Variants in MIEF1 observed in about 807,000 individuals in gnomAD.
MIEF1 encodes mitochondrial elongation factor 1, also known as mitochondrial dynamics protein MIEF1.
MIEF1 carries 14 observed loss-of-function variants against 35.1 expected under a neutral mutation model. The ratio of observed to expected loss-of-function variants is 0.40; its 90% CI spans 0.26 to 0.62. The LOEUF (loss-of-function observed/expected upper bound fraction) is 0.62. Ranked by LOEUF, MIEF1 falls within the 20% of genes least tolerant of loss-of-function variation. The pLI is 0.43. For missense variants in MIEF1, 542 were observed against 615.4 expected (o/e 0.88, Z 1.26); for synonymous variants, 245 against 254.3 (o/e 0.96, Z 0.35).
chr22:39,511,910 G>T lies in MIEF1; in HGVS notation c.206G>T (p.Arg69Met). The T allele has an allele frequency of 6.2e-7, 1 of 1,614,212 alleles. No homozygotes were observed. The highest frequency in any genetic ancestry group is 8.5e-7 in the Non-Finnish European group (1 of 1,180,032). The stretch of plus-strand genomic sequence containing the variant: ...ACCCGCCTGAGCCATTCGGGGAAAA[G>T]GAGCTGGGAAGAACCCAACTGGATG... ...SPTRLSHSGK[R>M]SWEEPNWMGS... is the part of the protein sequence containing the mutation. Residue 69 changes from arginine to methionine, a missense_variant, in exon 4 of 6, where the codon AGG becomes ATG. Physicochemically the swap from Arg to Met is moderately conservative, Grantham distance 91 (BLOSUM62 -1). Transcript: ENST00000325301.
At chr22:39,503,169 C>G (rs2145739532) in intron 1 of MIEF1, 1 of 152,306 alleles carries the variant, frequency 6.6e-6, no homozygotes, top group South Asian at 2.1e-4. Flanking sequence ...CAAAGGGTAA[C>G]TCATTCCAGA....
chr22:39,511,985 C>T lies in MIEF1; in HGVS notation c.281C>T (p.Ser94Phe). ...GACATGAAGACGGGCCTGAGCCGGT[C>T]CTTGCAGACCCTTCCCACAGACTCC... ...NRDMKTGLSR[S>F]LQTLPTDSST... Residue 94 changes from serine to phenylalanine, a missense_variant, in exon 4 of 6, where the codon TCC becomes TTC. Ser to Phe is a radical substitution (Grantham distance 155, BLOSUM62 -2). Transcript: ENST00000325301. The T allele has an allele frequency of 6.2e-7, 1 of 1,613,994 alleles. No homozygotes were observed. Among genetic ancestry groups the T allele is most frequent in the Non-Finnish European group, 8.5e-7 (1 of 1,179,996 alleles).
rs1930549434 is a variant in MIEF1 at position 39,514,417 on chromosome 22, G to C, written c.*94G>C. 2 of 1,243,452 alleles carry C rather than the reference G, an allele frequency of 1.6e-6. No homozygotes were observed. Among genetic ancestry groups the C allele is most frequent in the Admixed American group, 3.8e-5 (2 of 53,044 alleles). 77.0% of individuals were successfully genotyped at this position (1,243,452 alleles called of 1,614,324 possible). On this transcript the variant is annotated 3_prime_UTR_variant, in exon 6 of 6. Coordinates refer to ENST00000325301, the MANE Select transcript of MIEF1 (RefSeq NM_019008.6). Reference sequence around the variant, plus strand: ...CTAGTTGGTGCCTCACAGGGTTCCTGCTGCCTGGTGTCTTGCTGATCATCA... The same window carrying C: ...CTAGTTGGTGCCTCACAGGGTTCCTCCTGCCTGGTGTCTTGCTGATCATCA...
At chr22:39,510,846 C>G (rs1723269711) in intron 2 of MIEF1, among the ~76,000 whole-genome samples, 1 of 149,608 alleles carries the variant, frequency 6.7e-6, no homozygotes, top group Non-Finnish European at 1.5e-5. Flanking sequence ...GGGGTAGAGA[C>G]CTGCTTTATA....
Position 39,511,701 on chromosome 22 carries a change from C to G in MIEF1, c.145-148C>G, listed in dbSNP as rs985596102. 2.6e-5 allele frequency: 31 copies of G among 1,184,234 alleles called. No homozygotes were observed. In the African/African-American group the frequency reaches 4.0e-4, roughly 15 times the overall value. The allele number at this position is 1,184,234 out of a possible 1,614,324, so 73.4% of individuals were successfully genotyped here. A position where few individuals can be genotyped will look rare whatever the true frequency, so the allele number is the denominator to read the frequency against. The stretch of plus-strand genomic sequence containing the variant: ...ATCATGTAGTCTTCCCTGAGATTTT[C>G]TGCGTGGAGCAAAGTATTCTATAAT... On this transcript the variant is annotated intron_variant, in intron 3 of 5. Transcript: ENST00000325301.
chr22:39,508,801 A>C (rs1365810117), intron 2 of MIEF1, among the ~76,000 whole-genome samples: 1 of 152,214 alleles, frequency 6.6e-6, no homozygotes, highest in African/African-American at 2.4e-5. Flanking sequence ...TGTGAACTCT[A>C]GTTAGGGAAA....
At position 39,512,382 on chromosome 22, in the gene MIEF1, A is replaced by G. The variant is rs757176310; in HGVS notation, c.473A>G (p.Lys158Arg). 4 of 1,614,112 alleles carry G rather than the reference A, an allele frequency of 2.5e-6. No individual in the cohort carries two copies. The South Asian group carries it at 3.3e-5, about 13-fold the overall frequency. Reference protein sequence around the residue: ...AIPAGEQARAKQAAVDICAEL... With the variant: ...AIPAGEQARARQAAVDICAEL... ...CCTGCTGGAGAGCAGGCTCGGGCCA[A>G]GCAAGCTGCTGTGGACATATGTGCC... Residue 158 changes from lysine (K) to arginine (R), a missense_variant, in exon 5 of 6, where the codon AAG (lysine) becomes AGG (arginine). Physicochemically the swap from Lys to Arg is conservative, Grantham distance 26. Transcript: ENST00000325301.
chr22:39,504,655 C>T (rs779067907), intron 2 of MIEF1, 121 bp downstream of exon 2: 66 of 345,670 alleles, frequency 1.9e-4, no homozygotes, highest in Non-Finnish European at 3.0e-4. Flanking sequence ...CTGGTGTGCA[C>T]CTATAGTCCC....
chr22:39,514,853 T>G lies in MIEF1; in HGVS notation c.*530T>G. The G allele has an allele frequency of 4.0e-6, 1 of 252,898 alleles. No homozygotes were observed. The highest frequency in any genetic ancestry group is 7.7e-6 in the Non-Finnish European group (1 of 130,340). The allele number at this position is 252,898 out of a possible 1,614,324, so 15.7% of individuals were successfully genotyped here. A position where few individuals can be genotyped will look rare whatever the true frequency, so the allele number is the denominator to read the frequency against. On this transcript the variant is annotated 3_prime_UTR_variant, in exon 6 of 6. Transcript: ENST00000325301. ...TACAGAGCGAGTGCTGAGACAGTAT[T>G]TAGGGTTTCTGGGAGTGAGGCTGGT...
At position 39,513,554 on chromosome 22, in the gene MIEF1, T is replaced by C; in HGVS notation, c.623T>C (p.Leu208Pro). The C allele has an allele frequency of 1.2e-6, 2 of 1,614,180 alleles. No individual in the cohort carries two copies. Among genetic ancestry groups the C allele is most frequent in the Non-Finnish European group, 1.7e-6 (2 of 1,180,028 alleles). Residue 208 changes from leucine to proline, a missense_variant, in exon 6 of 6, where the codon CTT (leucine) becomes CCT (proline). Transcript: ENST00000325301. ...GACCACATCCAACTCATTGTGCCCC[T>C]TGTGCTGGAGCAGAACCTGTGGTCA... ...TADHIQLIVP[L>P]VLEQNLWSCI... is the part of the protein sequence containing the mutation.
chr22:39,517,545 GC>G lies in MIEF1; in HGVS notation c.*3226del, dbSNP rs1930739583. ...TTCAGGATGGAAGGACCCAGGAGAG[GC>G]CCCGAGGTGGGAGGGTTCTGTAAAT... is the stretch of plus-strand genomic sequence containing the variant. On this transcript the variant is annotated 3_prime_UTR_variant, in exon 6 of 6. Transcript: ENST00000325301. 2 of 471,154 alleles carry G rather than the reference GC, an allele frequency of 4.2e-6. No homozygotes were observed. 29.2% of individuals were successfully genotyped at this position (471,154 alleles called of 1,614,324 possible). A position where few individuals can be genotyped will look rare whatever the true frequency, so the allele number is the denominator to read the frequency against.
At position 39,513,950 on chromosome 22, in the gene MIEF1, G is replaced by T; in HGVS notation, c.1019G>T (p.Ser340Ile). Residue 340 changes from serine to isoleucine, a missense_variant, in exon 6 of 6, where the codon AGC (serine) becomes ATC (isoleucine). Coordinates refer to ENST00000325301, the MANE Select transcript of MIEF1 (RefSeq NM_019008.6). ...CAGTATGACAACCTGTGGCGGCTGA[G>T]CCTGCGTCCCGCGGAGACGGCACGC... is the stretch of plus-strand genomic sequence containing the variant. ...LAQYDNLWRLSLRPAETARLR... is the reference protein window; with the variant it reads ...LAQYDNLWRLILRPAETARLR... The T allele has an allele frequency of 6.2e-7, 1 of 1,613,362 alleles. No individual in the cohort carries two copies. The highest frequency in any genetic ancestry group is 8.5e-7 in the Non-Finnish European group (1 of 1,180,018).
chr22:39,511,264 G>A (rs1339004644), intron 2 of MIEF1, 24 bp from the exon 3 acceptor site: 6 of 1,613,228 alleles, frequency 3.7e-6, no homozygotes, highest in Non-Finnish European at 3.4e-6. Context: ...AGTACTTATG[G>A]CCGTGTTCTG....
At chr22:39,507,134 C>T (rs751836079) in intron 2 of MIEF1, among the ~76,000 whole-genome samples, 3 of 152,138 alleles carry the variant, frequency 2.0e-5, no homozygotes, top group Admixed American at 2.0e-4. Context: ...AAGTAAGGTC[C>T]GTGTCTGTCT....
At chr22:39,505,194 CAA>C (rs150106942) in intron 2 of MIEF1, among the ~76,000 whole-genome samples, 1 of 145,624 alleles carries the variant, frequency 6.9e-6, no homozygotes, top group Non-Finnish European at 1.5e-5. Context: ...ACTCCGTCTC[CAA>C]AAAAAAAAGA....
At position 39,515,472 on chromosome 22, in the gene MIEF1, C is replaced by T; in HGVS notation, c.*1149C>T. On this transcript the variant is annotated 3_prime_UTR_variant, in exon 6 of 6. Coordinates refer to ENST00000325301, the MANE Select transcript of MIEF1 (RefSeq NM_019008.6). ...AGGGGTGTTTGCTGAGCGCTCCGGGCACGGCCAGAGGGCAAGTGAGCATGC... is the reference window on the plus strand; with the variant it reads ...AGGGGTGTTTGCTGAGCGCTCCGGGTACGGCCAGAGGGCAAGTGAGCATGC... 2 of 649,330 alleles carry T rather than the reference C, an allele frequency of 3.1e-6. No homozygotes were observed. The highest frequency in any genetic ancestry group is 2.4e-5 in the Admixed American group (1 of 41,102). 40.2% of individuals were successfully genotyped at this position (649,330 alleles called of 1,614,324 possible). A position where few individuals can be genotyped will look rare whatever the true frequency, so the allele number is the denominator to read the frequency against.
Position 39,513,823 on chromosome 22 carries a change from C to T in MIEF1, c.892C>T (p.Leu298=). The change falls in exon 6 of 6, where the codon CTG becomes TTG. Residue 298 remains leucine, a synonymous_variant. Coordinates refer to ENST00000325301, the MANE Select transcript of MIEF1 (RefSeq NM_019008.6). ...RPAPPPEALT[L]EVQYERDKHL... is the part of the protein sequence containing the mutation. The stretch of plus-strand genomic sequence containing the variant: ...GGCCCCACCCCCAGAAGCCCTCACA[C>T]TGGAGGTGCAGTATGAGCGTGACAA... 1 of 1,614,144 alleles carries T rather than the reference C, an allele frequency of 6.2e-7. No homozygotes were observed. The highest frequency in any genetic ancestry group is 1.1e-5 in the South Asian group (1 of 91,086).
intron 2 of MIEF1, chr22:39,509,468 G>C (rs1176546786): frequency 6.6e-6 from 1 of 152,290 alleles, no homozygotes. Context: ...GGGGACTGCT[G>C]CTGCTGCAGT....
chr22:39,504,421 G>C lies in MIEF1; in HGVS notation c.-121G>C. On this transcript the variant is annotated 5_prime_UTR_variant, in exon 2 of 6. Transcript: ENST00000325301. ...GAGAAGGGCCTGGTCTTTCTCAACGGCAAATTGGGGAGGATCATTTAGGAT... is the reference window on the plus strand; with the variant it reads ...GAGAAGGGCCTGGTCTTTCTCAACGCCAAATTGGGGAGGATCATTTAGGAT... The C allele has an allele frequency of 2.5e-6, 1 of 399,064 alleles. No individual in the cohort carries two copies. Among genetic ancestry groups the C allele is most frequent in the Non-Finnish European group, 4.4e-6 (1 of 226,080 alleles). The allele number at this position is 399,064 out of a possible 1,614,324, so 24.7% of individuals were successfully genotyped here.
Sources: allele counts gnomAD v4.1 joint callset (sites outside exome capture counted in the v4.1 genomes callset), GRCh38; gene constraint gnomAD v4.1.1; transcripts MANE v1.5; gene names NCBI Gene and HGNC (gene_info 2026-07-23, HGNC 2026-07-21).